The following AIMP2 variants were observed in gnomAD, a reference collection of about 807,000 sequenced individuals.
AIMP2 encodes aminoacyl tRNA synthase complex-interacting multifunctional protein 2.
Under a neutral mutation model 23.4 loss-of-function variants are expected in AIMP2, and 20 were observed. The observed-to-expected ratio is 0.85, with a 90% CI of 0.60 to 1.24. The LOEUF (loss-of-function observed/expected upper bound fraction) is 1.24, where lower values mean the gene tolerates loss of function less well. AIMP2 is among the 50% of genes most tolerant of loss of function. The probability of loss-of-function intolerance (pLI) is 0.00; values close to 1 mark genes in which losing one functional copy is unlikely to be tolerated. For synonymous variants in AIMP2, 210 were observed against 170.4 expected (o/e 1.23, Z -1.81); for missense variants, 515 against 414.5 (o/e 1.24, Z -2.10).
chr7:6,009,974 A>AAAAAAAAAAAAAAAAAAT, intron 1 of AIMP2, among the ~76,000 whole-genome samples: 1 of 26,662 alleles, frequency 3.8e-5, no homozygotes, highest in Non-Finnish European at 6.8e-5. Flanking sequence ...AAAAAAAAAA[A>AAAAAAAAAAAAAAAAAAT]ATATATATAT....
In AIMP2 at chr7:6,009,467, A is replaced by G. The variant is rs763558610; in HGVS notation, c.104A>G (p.Tyr35Cys). 3.7e-6 allele frequency: 6 copies of G among 1,607,140 alleles called. No homozygotes were observed. In the African/African-American group the frequency reaches 6.7e-5, roughly 18 times the overall value. ...YRLPNVHGRS[Y>C]GPAPGAGHVQ... is the part of the protein sequence containing the mutation. ...CTCCCCAACGTGCACGGCAGGAGCT[A>G]CGGCCCAGCGCCGGGCGCTGGCCAC... Residue 35 changes from tyrosine (Y) to cysteine (C), a missense_variant, in exon 1 of 4, where the codon TAC becomes TGC. Tyr to Cys is a radical substitution (Grantham distance 194). Transcript: ENST00000223029.
At chr7:6,015,500 A>C in intron 2 of AIMP2, 148 bp downstream of exon 2, 1 of 794,130 alleles carries the variant, frequency 1.3e-6, no homozygotes, top group Non-Finnish European at 2.0e-6. Context: ...CAAGGCGGGC[A>C]GATCATGAGG....
Position 6,018,012 on chromosome 7 carries a change from T to C in AIMP2, c.541T>C (p.Tyr181His), listed in dbSNP as rs1234766123. ...EQNKKQPRQD[Y>H]QLGFTLIWKN... ...GAATAAAAAACAGCCCCGCCAAGAC[T>C]ATCAGCTGGGATTCACTTTAATTTG... The change falls in exon 3 of 4, where the codon TAT becomes CAT. Residue 181 changes from tyrosine (Y) to histidine (H), a missense_variant. Transcript: ENST00000223029. 9 of 1,613,856 alleles carry C rather than the reference T, an allele frequency of 5.6e-6. No homozygotes were observed. Among genetic ancestry groups the C allele is most frequent in the African/African-American group, 1.3e-5 (1 of 74,880 alleles).
intron 1 of AIMP2, among the ~76,000 whole-genome samples, chr7:6,013,562 T>G (rs1258593948): frequency 6.6e-6 from 1 of 151,952 alleles, no homozygotes; most frequent in Non-Finnish European, 1.5e-5. Context: ...CGCCCAGCCT[T>G]GAGTTTCTTT....
chr7:6,015,168 A>G lies in AIMP2; in HGVS notation c.158A>G (p.Gln53Arg). The G allele has an allele frequency of 6.2e-7, 1 of 1,614,180 alleles. No individual in the cohort carries two copies. Among genetic ancestry groups the G allele is most frequent in the South Asian group, 1.1e-5 (1 of 91,084 alleles). ...TAGGAAGAGTCTAACCTGTCTCTGC[A>G]AGCTCTTGAGTCCCGCCAAGATGAT... is the stretch of plus-strand genomic sequence containing the variant. ...HVQEESNLSL[Q>R]ALESRQDDIL... The change falls in exon 2 of 4, where the codon CAA (glutamine) becomes CGA (arginine). Residue 53 changes from glutamine to arginine, a missense_variant. Coordinates refer to ENST00000223029, the MANE Select transcript of AIMP2 (RefSeq NM_006303.4).
rs768732685 is a variant in AIMP2 at position 6,017,952 on chromosome 7, G to A, written c.481G>A (p.Val161Met). 8 of 1,614,008 alleles carry A rather than the reference G, an allele frequency of 5.0e-6. No homozygotes were observed. In the African/African-American group the frequency reaches 6.7e-5, roughly 13 times the overall value. ...GCACACGCACTCCTCGGTCAAGAGC[G>A]TGCCTGAAAACCTTCTCAAGTGCTT... ...TVHTHSSVKS[V>M]PENLLKCFGE... The change falls in exon 3 of 4, where the codon GTG (valine) becomes ATG (methionine). Residue 161 changes from valine to methionine, a missense_variant. Val to Met is a conservative substitution (Grantham distance 21). Transcript: ENST00000223029.
chr7:6,009,974 A>AAATATAC, intron 1 of AIMP2, among the ~76,000 whole-genome samples: 6 of 26,674 alleles, frequency 2.2e-4, no homozygotes, highest in Admixed American at 4.1e-4. Flanking sequence ...AAAAAAAAAA[A>AAATATAC]ATATATATAT....
rs1408389683 is a variant in AIMP2 at position 6,009,371 on chromosome 7, T to C, written c.8T>C (p.Met3Thr). The C allele has an allele frequency of 6.2e-7, 1 of 1,611,718 alleles. No individual in the cohort carries two copies. Among genetic ancestry groups the C allele is most frequent in the African/African-American group, 1.3e-5 (1 of 74,886 alleles). Residue 3 changes from methionine (M) to threonine (T), a missense_variant, in exon 1 of 4, where the codon ATG becomes ACG. Coordinates refer to ENST00000223029, the MANE Select transcript of AIMP2 (RefSeq NM_006303.4). ...TTTTGCTTTGGTTCTGCCATGCCGA[T>C]GTACCAGGTAAAGCCCTATCACGGG... MP[M>T]YQVKPYHGGG... is the part of the protein sequence containing the mutation.
intron 3 of AIMP2, among the ~76,000 whole-genome samples, chr7:6,020,008 G>A (rs1365972272): frequency 2.9e-5 from 4 of 137,630 alleles, no homozygotes; most frequent in African/African-American, 8.7e-5. Context: ...GCGACAGAGC[G>A]AGACTCCATC....
intron 3 of AIMP2, among the ~76,000 whole-genome samples, chr7:6,018,539 G>T (rs1279723332): frequency 6.6e-6 from 1 of 151,382 alleles, no homozygotes; most frequent in Non-Finnish European, 1.5e-5. Flanking sequence ...GCATAGCCTA[G>T]AAATATCAAA....
chr7:6,012,705 G>A, intron 1 of AIMP2: 2 of 484,476 alleles, frequency 4.1e-6, no homozygotes, highest in Non-Finnish European at 3.5e-6. Context: ...GATTACAGGT[G>A]CCCCCCACCA....
In AIMP2 at chr7:6,015,268, C is replaced by T; in HGVS notation, c.258C>T (p.Asp86=). 1.2e-6 allele frequency: 2 copies of T among 1,614,182 alleles called. No homozygotes were observed. The highest frequency in any genetic ancestry group is 1.7e-6 in the Non-Finnish European group (2 of 1,180,034). ...AGATGATTCAAACACCAGATGCAGA[C>T]TTGGATGTAACCAACATAATCCAAG... is the stretch of plus-strand genomic sequence containing the variant. The part of the protein sequence containing the change: ...LSKMIQTPDA[D]LDVTNIIQAD... The change falls in exon 2 of 4, where the codon GAC becomes GAT. Residue 86 remains aspartate, a synonymous_variant. Transcript: ENST00000223029.
In AIMP2 at chr7:6,017,888, C is replaced by T; in HGVS notation, c.417C>T (p.His139=). ...CTCCCCTCTCCCTGCTTGTGCTGCA[C>T]AGGCTGCTCTGTGAGCACTTCAGGG... ...ASPPLSLLVL[H]RLLCEHFRVL... The change falls in exon 3 of 4, where the codon CAC becomes CAT. Residue 139 remains histidine, a synonymous_variant. Coordinates refer to ENST00000223029, the MANE Select transcript of AIMP2 (RefSeq NM_006303.4). 1 of 1,614,170 alleles carries T rather than the reference C, an allele frequency of 6.2e-7. No homozygotes were observed.
intron 1 of AIMP2, chr7:6,012,646 C>T (rs1786763301): frequency 5.8e-6 from 2 of 343,882 alleles, no homozygotes; most frequent in South Asian, 4.1e-5. Flanking sequence ...CAGCCACTGT[C>T]TCCCGGGTTC....
At chr7:6,012,078 C>A (rs953831315) in intron 1 of AIMP2, among the ~76,000 whole-genome samples, 1 of 151,982 alleles carries the variant, frequency 6.6e-6, no homozygotes, top group Admixed American at 6.6e-5. Context: ...CATGGTGAAA[C>A]CCCATTGTTA....
At chr7:6,015,742 G>A (rs1273360849) in intron 2 of AIMP2, among the ~76,000 whole-genome samples, 1 of 152,184 alleles carries the variant, frequency 6.6e-6, no homozygotes, top group African/African-American at 2.4e-5. Flanking sequence ...AACAAAACTA[G>A]CTTTCTGGTT....
intron 2 of AIMP2, 80 bp downstream of exon 2, chr7:6,015,432 C>G: frequency 2.0e-6 from 3 of 1,504,748 alleles, no homozygotes; most frequent in Non-Finnish European, 2.8e-6. Flanking sequence ...TGATTAAAGC[C>G]TTAGCTTTCA....
At chr7:6,016,022 G>A (rs1053493833) in intron 2 of AIMP2, among the ~76,000 whole-genome samples, 22 of 152,160 alleles carry the variant, frequency 1.4e-4, no homozygotes, top group Non-Finnish European at 2.9e-5. Context: ...GTTCCCCAGA[G>A]GTTCAGCAGA....
chr7:6,009,974 A>AAAAAAATATATATAT, intron 1 of AIMP2, among the ~76,000 whole-genome samples: 4 of 26,672 alleles, frequency 1.5e-4, no homozygotes, highest in Admixed American at 8.2e-4. Context: ...AAAAAAAAAA[A>AAAAAAATATATATAT]ATATATATAT....
Sources: gnomAD v4.1 joint callset for allele counts (sites outside exome capture counted in the v4.1 genomes callset) on GRCh38, gnomAD v4.1.1 for gene constraint, MANE v1.5 for transcripts, NCBI Gene and HGNC (gene_info 2026-07-23, HGNC 2026-07-21) for gene names.